SYNE2: variants seen among roughly 807,000 people sequenced by gnomAD.
SYNE2 encodes the protein spectrin repeat containing nuclear envelope protein 2.
SYNE2 carries 431 observed loss-of-function variants against 856.3 expected under a neutral mutation model. That is an observed-to-expected ratio of 0.50 (90% CI 0.47 to 0.55). The LOEUF (loss-of-function observed/expected upper bound fraction) is 0.55. Ranked by LOEUF, SYNE2 falls within the 20% of genes least tolerant of loss-of-function variation. SYNE2 has a pLI of 0.00. For missense variants in SYNE2, 8,129 were observed against 8,023.2 expected (o/e 1.01, Z -0.50); for synonymous variants, 2,923 against 2,872.3 (o/e 1.02, Z -0.56).
At chr14:64,025,769 TCAG>T (rs1385908997) in intron 41 of SYNE2, among the ~76,000 whole-genome samples, 1 of 152,154 alleles carries the variant, frequency 6.6e-6, no homozygotes, top group Non-Finnish European at 1.5e-5. Context: ...AGCAGAAGCA[TCAG>T]CAATGTCGAG....
At chr14:63,944,199 A>G (rs1463287620) in intron 6 of SYNE2, among the ~76,000 whole-genome samples, 1 of 150,618 alleles carries the variant, frequency 6.6e-6, no homozygotes, top group East Asian at 1.9e-4. Flanking sequence ...GTATGTTCAT[A>G]TGTATATATT....
Position 64,208,877 on chromosome 14 carries a change from G to A in SYNE2, c.18321G>A (p.Gln6107=). ...ATGAGACCGAGTGTGACTCGATCCA[G>A]CAGACCACCAGGAGCCTGGACAGAC... The part of the protein sequence containing the change: ...CANETECDSI[Q]QTTRSLDRRW... The change falls in exon 101 of 116, where the codon CAG becomes CAA. Residue 6107 remains glutamine (Q), a synonymous_variant. Coordinates refer to ENST00000555002, the MANE Select transcript of SYNE2 (RefSeq NM_182914.3). The A allele has an allele frequency of 6.2e-7, 1 of 1,614,240 alleles. No homozygotes were observed.
rs765484569 is a variant in SYNE2 at position 64,024,343 on chromosome 14, A to G, written c.5724A>G (p.Ala1908=). The change falls in exon 39 of 116, where the codon GCA becomes GCG. Residue 1908 remains alanine, a synonymous_variant. Coordinates refer to ENST00000555002, the MANE Select transcript of SYNE2 (RefSeq NM_182914.3). The stretch of plus-strand genomic sequence containing the variant: ...ATGTGAAGAAGCATCTGCCCAAAGC[A>G]CATGTGAAGGAGCTTATCAGTTGGC... ...LKHVKKHLPK[A]HVKELISWLV... is the part of the protein sequence containing the mutation. The G allele has an allele frequency of 2.5e-6, 4 of 1,614,164 alleles. No individual in the cohort carries two copies. The highest frequency in any genetic ancestry group is 3.4e-6 in the Non-Finnish European group (4 of 1,179,986).
At position 64,027,512 on chromosome 14, in the gene SYNE2, G is replaced by T; in HGVS notation, c.6433G>T (p.Glu2145Ter). ...TCAAGAAAAGCTTCTACTAGAAGGAGAGAAATATTTACAAAGTAAGGAGGA... is the reference window on the plus strand; with the variant it reads ...TCAAGAAAAGCTTCTACTAGAAGGATAGAAATATTTACAAAGTAAGGAGGA... ...SHQEKLLLEG[E>*]KYLQSKEDLR... The change falls in exon 43 of 116, where the codon GAG (glutamate) becomes TAG (stop). Residue 2145 changes from glutamate (E) to a stop codon, truncating the protein, a stop_gained. Coordinates refer to ENST00000555002, the MANE Select transcript of SYNE2 (RefSeq NM_182914.3). LOFTEE classifies it high-confidence loss of function. The T allele has an allele frequency of 6.2e-7, 1 of 1,601,054 alleles. No homozygotes were observed. The highest frequency in any genetic ancestry group is 8.5e-7 in the Non-Finnish European group (1 of 1,175,130).
rs937055548 is a variant in SYNE2 at position 64,165,210 on chromosome 14, G to A, written c.16480-75G>A. 24 of 1,518,766 alleles carry A rather than the reference G, an allele frequency of 1.6e-5. No individual in the cohort carries two copies. The African/African-American group carries it at 3.2e-4, about 20-fold the overall frequency. 94.1% of individuals were successfully genotyped at this position (1,518,766 alleles called of 1,614,324 possible). A position where few individuals can be genotyped will look rare whatever the true frequency, so the allele number is the denominator to read the frequency against. On this transcript the variant is annotated intron_variant, in intron 89 of 115. Transcript: ENST00000555002. ...CCAAAAACATCTTGAATTTTTAGCA[G>A]CTCCCAAGCCTGTGTTTAATTCTGT...
intron 1 of SYNE2, among the ~76,000 whole-genome samples, chr14:63,874,461 G>A (rs989261299): frequency 1.3e-5 from 2 of 152,088 alleles, no homozygotes; most frequent in Admixed American, 6.6e-5. Flanking sequence ...GCTAGATGTC[G>A]CAGGAAGATG....
intron 74 of SYNE2, among the ~76,000 whole-genome samples, chr14:64,128,828 C>T (rs780886330): frequency 1.3e-5 from 2 of 152,206 alleles, no homozygotes; most frequent in Non-Finnish European, 2.9e-5. Flanking sequence ...GACCCTCATC[C>T]TCTTGCCAGG....
intron 1 of SYNE2, among the ~76,000 whole-genome samples, chr14:63,816,137 C>T (rs979763571): frequency 4.0e-5 from 6 of 151,734 alleles, no homozygotes; most frequent in Admixed American, 1.3e-4. Flanking sequence ...TTAGTAGATA[C>T]GGGGTTTCAC....
chr14:63,893,773 G>A (rs1217395535), intron 1 of SYNE2, among the ~76,000 whole-genome samples: 1 of 152,220 alleles, frequency 6.6e-6, no homozygotes, highest in African/African-American at 2.4e-5. Flanking sequence ...TAGGCTCAGT[G>A]TGGAGAGTCT....
At chr14:64,184,121 A>G (rs912350633) in intron 96 of SYNE2, among the ~76,000 whole-genome samples, 1 of 152,042 alleles carries the variant, frequency 6.6e-6, no homozygotes, top group African/African-American at 2.4e-5. Flanking sequence ...TGCTTTTTTC[A>G]TTTAGTCTTT....
chr14:64,167,468 G>T (rs367922995), intron 91 of SYNE2, 27 bp from the exon 92 acceptor site: 1 of 1,614,032 alleles, frequency 6.2e-7, no homozygotes, highest in African/African-American at 1.3e-5. Context: ...TGTTAACATG[G>T]GTGTGTTTTG....
At chr14:64,170,551 A>T (rs1220383094) in intron 94 of SYNE2, 89 bp downstream of exon 94, 1 of 1,337,552 alleles carries the variant, frequency 7.5e-7, no homozygotes, top group Non-Finnish European at 1.0e-6. Context: ...GTTTTTGATG[A>T]TGATGTGATC....
chr14:63,929,625 G>A (rs1462483035), intron 2 of SYNE2, among the ~76,000 whole-genome samples: 1 of 152,038 alleles, frequency 6.6e-6, no homozygotes, highest in East Asian at 1.9e-4. Context: ...CCAAAAATTA[G>A]CTGGGCGTGG....
At chr14:64,154,261 C>A (rs1467127300) in intron 85 of SYNE2, among the ~76,000 whole-genome samples, 1 of 150,686 alleles carries the variant, frequency 6.6e-6, no homozygotes, top group Non-Finnish European at 1.5e-5. Context: ...ATGGATTAGG[C>A]AGGGGTTACC....
chr14:64,219,128 CA>C, intron 109 of SYNE2, 79 bp from the exon 110 acceptor site: 1 of 780,200 alleles, frequency 1.3e-6, no homozygotes, highest in Non-Finnish European at 1.9e-6. Context: ...TTTTTTTAAC[CA>C]CCCTGACCCC....
intron 1 of SYNE2, among the ~76,000 whole-genome samples, chr14:63,763,743 C>A (rs991602165): frequency 2.0e-5 from 3 of 152,168 alleles, no homozygotes; most frequent in Non-Finnish European, 4.4e-5. Flanking sequence ...TAGCTCAGTA[C>A]AGCCTCAAAC....
intron 52 of SYNE2, among the ~76,000 whole-genome samples, chr14:64,072,126 A>T (rs554057065): frequency 5.8e-4 from 89 of 152,356 alleles, no homozygotes; most frequent in Non-Finnish European, 1.1e-3. Flanking sequence ...TAATTTTCAT[A>T]ACAACACTGC....
At chr14:63,858,700 G>A (rs763210031) in intron 1 of SYNE2, among the ~76,000 whole-genome samples, 2 of 152,196 alleles carry the variant, frequency 1.3e-5, no homozygotes, top group Admixed American at 6.5e-5. Context: ...CTGTAATATT[G>A]TAACAGTATT....
chr14:63,831,932 A>AT (rs200048335), intron 1 of SYNE2, among the ~76,000 whole-genome samples: 22 of 151,878 alleles, frequency 1.4e-4, no homozygotes, highest in Middle Eastern at 3.4e-3. Flanking sequence ...TAGAAAACAT[A>AT]TTTTTTTTAA....
Sources: gnomAD v4.1 joint callset for allele counts (sites outside exome capture counted in the v4.1 genomes callset) on GRCh38, gnomAD v4.1.1 for gene constraint, MANE v1.5 for transcripts, NCBI Gene and HGNC (gene_info 2026-07-23, HGNC 2026-07-21) for gene names.